The following PYY variants were observed in gnomAD, a reference collection of about 807,000 sequenced individuals.
The protein encoded by PYY is peptide tyrosine tyrosine.
Under a neutral mutation model 10.3 loss-of-function variants are expected in PYY, and 12 were observed. The observed-to-expected ratio is 1.17, with a 90% CI of 0.75 to 1.89. The LOEUF (loss-of-function observed/expected upper bound fraction) is 1.89. PYY is among the 40% of genes most tolerant of loss of function. PYY has a pLI of 0.00. For missense variants in PYY, 141 were observed against 134.0 expected (o/e 1.05, Z -0.26); for synonymous variants, 66 against 62.0 (o/e 1.06, Z -0.30).
chr17:43,962,562 G>A (rs1320970748), intron 2 of PYY, among the ~76,000 whole-genome samples: 1 of 152,130 alleles, frequency 6.6e-6, no homozygotes, highest in East Asian at 1.9e-4. Context: ...CGTGAATGAA[G>A]GAATCTTTTA....
intron 1 of PYY, among the ~76,000 whole-genome samples, chr17:43,975,677 C>T (rs2048823801): frequency 6.7e-6 from 1 of 149,036 alleles, no homozygotes; most frequent in South Asian, 2.1e-4. Context: ...CGAGATCATA[C>T]CACTGCACTC....
At chr17:43,992,123 GAAAA>G (rs11396568) in intron 1 of PYY, among the ~76,000 whole-genome samples, 1 of 120,510 alleles carries the variant, frequency 8.3e-6, no homozygotes, top group East Asian at 2.4e-4. Flanking sequence ...CTGTCTCAAA[GAAAA>G]AAAAAAAAAA....
At chr17:43,997,390 G>A (rs2048998470) in intron 1 of PYY, among the ~76,000 whole-genome samples, 1 of 152,110 alleles carries the variant, frequency 6.6e-6, no homozygotes. Flanking sequence ...CCCTGATGGA[G>A]GTTACCATGG....
chr17:43,993,020 T>C (rs2048968061), intron 1 of PYY, among the ~76,000 whole-genome samples: 1 of 152,016 alleles, frequency 6.6e-6, no homozygotes, highest in African/African-American at 2.4e-5. Context: ...GAAAGTAATA[T>C]GAAAAATGCT....
intron 2 of PYY, among the ~76,000 whole-genome samples, chr17:43,965,816 A>AAAAAAAG (rs1555617405): frequency 2.7e-4 from 39 of 142,696 alleles, no homozygotes; most frequent in African/African-American, 8.6e-4. Flanking sequence ...AAAAAAAAAA[A>AAAAAAAG]AGAGAGAGAA....
intron 1 of PYY, 48 bp from the exon 2 acceptor site, chr17:43,953,531 C>G (rs754911909): frequency 1.1e-5 from 17 of 1,496,152 alleles, no homozygotes; most frequent in Non-Finnish European, 1.4e-5. Flanking sequence ...CTCGACCCTA[C>G]ACGGCGGGAG....
At position 43,952,827 on chromosome 17, in the gene PYY, G is replaced by T; in HGVS notation, c.*129C>A. On this transcript the variant is annotated 3_prime_UTR_variant, in exon 4 of 4. Transcript: ENST00000692052. ...GGGGCGGGGGCACCGAGACGCGGGC[G>T]GAGGGCCGCACCCGAACCCTGCCCA... 9.7e-7 allele frequency: 1 copy of T among 1,026,704 alleles called. No individual in the cohort carries two copies. The highest frequency in any genetic ancestry group is 1.4e-6 in the Non-Finnish European group (1 of 723,046). The allele number at this position is 1,026,704 out of a possible 1,614,324, so 63.6% of individuals were successfully genotyped here.
At chr17:43,969,958 G>T (rs910734645) in intron 1 of PYY, among the ~76,000 whole-genome samples, 1 of 151,716 alleles carries the variant, frequency 6.6e-6, no homozygotes, top group Non-Finnish European at 1.5e-5. Context: ...TGTCCAGGAT[G>T]GTCTTGAACT....
chr17:43,973,216 T>G (rs1037575937), intron 1 of PYY, among the ~76,000 whole-genome samples: 1 of 152,190 alleles, frequency 6.6e-6, no homozygotes, highest in Non-Finnish European at 1.5e-5. Flanking sequence ...AAAAAGTGTT[T>G]GTCACTTAAA....
chr17:43,966,932 A>G (rs1021152027), intron 1 of PYY, among the ~76,000 whole-genome samples: 11 of 152,190 alleles, frequency 7.2e-5, no homozygotes, highest in Non-Finnish European at 1.5e-4. Flanking sequence ...ACACATACAC[A>G]CACATGCACA....
intron 1 of PYY, among the ~76,000 whole-genome samples, chr17:43,995,169 G>T (rs556834449): frequency 1.3e-5 from 2 of 152,326 alleles, no homozygotes; most frequent in South Asian, 4.1e-4. Context: ...TATTTTGGCG[G>T]CTGGACCTGC....
At chr17:43,965,252 G>C (rs1053870276) in intron 2 of PYY, among the ~76,000 whole-genome samples, 3 of 150,604 alleles carry the variant, frequency 2.0e-5, no homozygotes, top group African/African-American at 7.3e-5. Flanking sequence ...AAGCCGAGGA[G>C]GGTGGATCAC....
intron 1 of PYY, among the ~76,000 whole-genome samples, chr17:43,981,236 A>C (rs1482590760): frequency 6.6e-6 from 1 of 152,138 alleles, no homozygotes; most frequent in African/African-American, 2.4e-5. Context: ...ATATACACCT[A>C]GGAGTTGAAT....
At chr17:43,976,185 G>C (rs1392385710) in intron 1 of PYY, among the ~76,000 whole-genome samples, 1 of 105,864 alleles carries the variant, frequency 9.4e-6, no homozygotes. Flanking sequence ...GTATATATAC[G>C]TATATGTATA....
chr17:43,961,216 A>C (rs2143899979), intron 2 of PYY, among the ~76,000 whole-genome samples: 1 of 151,032 alleles, frequency 6.6e-6, no homozygotes, highest in South Asian at 2.1e-4. Context: ...ACAGAGCAAA[A>C]CCCCATCTCA....
chr17:43,960,767 T>C (rs1401172869), intron 2 of PYY, among the ~76,000 whole-genome samples: 1 of 151,450 alleles, frequency 6.6e-6, no homozygotes, highest in Non-Finnish European at 1.5e-5. Context: ...GCAGAATTGC[T>C]TGAACCCAGG....
upstream of PYY, among the ~76,000 whole-genome samples, chr17:43,954,206 T>C (rs2048657322): frequency 6.6e-6 from 1 of 152,164 alleles, no homozygotes; most frequent in African/African-American, 2.4e-5. Flanking sequence ...GTGGCAGGTC[T>C]AGCCTCCTGA....
chr17:43,969,414 G>A (rs1853156399), intron 1 of PYY, among the ~76,000 whole-genome samples: 1 of 150,656 alleles, frequency 6.6e-6, no homozygotes, highest in Admixed American at 6.7e-5. Flanking sequence ...CTACTCCAGA[G>A]GCTGAGGCAG....
rs75388237 is a variant in PYY, at chr17:43,962,094, G to A, written c.-217-4066C>T. 6.9e-3 allele frequency among the ~76,000 whole-genome samples: 1,053 copies of A among 152,236 alleles called. 11 individuals are homozygous for A. The highest frequency in any genetic ancestry group is 0.024 in the African/African-American group (1,010 of 41,516). ...TTCTCTTACAATAGAGTTTAGCTGAGTATATGGCTTCCCAGCTAATCACTA... is the reference window on the plus strand; with the variant it reads ...TTCTCTTACAATAGAGTTTAGCTGAATATATGGCTTCCCAGCTAATCACTA... On this transcript the variant is annotated intron_variant, in intron 2 of 6. Coordinates refer to the PYY transcript ENST00000360085.
Sources: gnomAD v4.1 joint callset for allele counts (sites outside exome capture counted in the v4.1 genomes callset) on GRCh38, gnomAD v4.1.1 for gene constraint, MANE v1.5 for transcripts, NCBI Gene and HGNC (gene_info 2026-07-23, HGNC 2026-07-21) for gene names.